Variants in ATP6V1H observed in about 807,000 individuals in gnomAD.
ATP6V1H encodes the protein ATPase H+ transporting V1 subunit H.
In ATP6V1H, 39 loss-of-function variants were observed where a neutral mutation model predicts 71.7. The ratio of observed to expected loss-of-function variants is 0.54; its 90% confidence interval spans 0.42 to 0.71. ATP6V1H has a LOEUF of 0.71. Ranked by LOEUF, ATP6V1H falls within the 30% of genes least tolerant of loss-of-function variation. The pLI is 0.00. For missense variants in ATP6V1H, 509 were observed against 594.9 expected, an observed-to-expected ratio of 0.86 and a Z score of 1.50; for synonymous variants, 192 against 199.3, an observed-to-expected ratio of 0.96 and a Z score of 0.31.
At chr8:53,716,342 C>G (rs958268) in intron 13 of ATP6V1H, among the ~76,000 whole-genome samples, 13,966 of 152,220 alleles carry the variant, frequency 0.092, 1,071 homozygotes, top group East Asian at 0.41. Context: ...GGAAAGACTA[C>G]TTTCCTGTTC....
At chr8:53,819,009 C>A (rs1332191177) in intron 4 of ATP6V1H, among the ~76,000 whole-genome samples, 1 of 151,702 alleles carries the variant, frequency 6.6e-6, no homozygotes, top group East Asian at 1.9e-4. Flanking sequence ...AGTTCAAGAC[C>A]AGCCTGGGCA....
chr8:53,825,229 G>A (rs988444890), intron 4 of ATP6V1H, among the ~76,000 whole-genome samples: 2 of 152,006 alleles, frequency 1.3e-5, no homozygotes, highest in African/African-American at 4.8e-5. Flanking sequence ...TAGAGACAGG[G>A]TCTCACTATG....
intron 13 of ATP6V1H, among the ~76,000 whole-genome samples, chr8:53,741,021 G>A (rs192631592): frequency 8.4e-4 from 128 of 152,192 alleles, no homozygotes; most frequent in Non-Finnish European, 1.1e-3. Flanking sequence ...GGAGATAATC[G>A]TAGTTAAAAC....
chr8:53,790,210 G>A lies in ATP6V1H; in HGVS notation c.870+5437C>T, dbSNP rs574413347. Among the ~76,000 whole-genome samples the A allele has an allele frequency of 4.6e-5, 7 of 152,232 alleles. No homozygotes were observed. In the South Asian group the frequency reaches 1.5e-3, roughly 32 times the overall value. ...TTTAAAATGTGAACATTCAGTAACT[G>A]GGCCAGTCTTTACCTCCAGGTTAAC... On this transcript the variant is annotated intron_variant, in intron 9 of 13. Transcript: ENST00000359530.
At chr8:53,747,639 A>T (rs1807653938) in intron 12 of ATP6V1H, among the ~76,000 whole-genome samples, 2 of 151,774 alleles carry the variant, frequency 1.3e-5, no homozygotes, top group East Asian at 3.9e-4. Flanking sequence ...TCCTGGGTTC[A>T]AGCAATTCTC....
At position 53,750,512 on chromosome 8, in the gene ATP6V1H, A is replaced by G. The variant is rs567797580; in HGVS notation, c.1277+6043T>C. Among the ~76,000 whole-genome samples the G allele has an allele frequency of 4.6e-5, 7 of 152,340 alleles. No homozygotes were observed. The South Asian group carries it at 8.3e-4, about 18-fold the overall frequency. On this transcript the variant is annotated intron_variant, in intron 12 of 13. Coordinates refer to ENST00000359530, the MANE Select transcript of ATP6V1H (RefSeq NM_015941.4). ...ATTATTCGAGGACCTGCTGTCACTT[A>G]AAGTCTCAGTTTCCAAGAACGTATG...
chr8:53,790,971 G>T (rs1165487640), intron 9 of ATP6V1H, among the ~76,000 whole-genome samples: 2 of 151,990 alleles, frequency 1.3e-5, no homozygotes, highest in African/African-American at 4.8e-5. Context: ...AACAGTAAAA[G>T]ATCAAACTAG....
At chr8:53,726,698 G>A (rs1806824540) in intron 13 of ATP6V1H, among the ~76,000 whole-genome samples, 3 of 152,194 alleles carry the variant, frequency 2.0e-5, no homozygotes, top group Admixed American at 6.5e-5. Flanking sequence ...GTAGAGATGT[G>A]TAAAGATTCA....
Position 53,772,903 on chromosome 8 carries a change from CAAAAA to C in ATP6V1H, c.871-741_871-737del, listed in dbSNP as rs201949406. 5.0e-3 allele frequency among the ~76,000 whole-genome samples: 299 copies of C among 59,412 alleles called. 3 individuals carry two copies. Among genetic ancestry groups the C allele is most frequent in the African/African-American group, 0.018 (287 of 15,968 alleles). 39.0% of individuals were successfully genotyped at this position (59,412 alleles called of 152,430 possible). ...GCTAGTTTAAAAAGCCTATCAAATG[CAAAAA>C]AAAAAAAAAAAAAACAAAACAGTAA... On this transcript the variant is annotated intron_variant, in intron 9 of 13. Coordinates refer to ENST00000359530, the MANE Select transcript of ATP6V1H (RefSeq NM_015941.4).
At position 53,764,108 on chromosome 8, in the gene ATP6V1H, T is replaced by A. The variant is rs1049943014; in HGVS notation, c.1175+5510A>T. Reference sequence around the variant, plus strand: ...TAAATTATGTCAAACATTTAAGAAGTAAACAATACCAATTCTCTACAGTCT... The same window carrying A: ...TAAATTATGTCAAACATTTAAGAAGAAAACAATACCAATTCTCTACAGTCT... On this transcript the variant is annotated intron_variant, in intron 11 of 13. Coordinates refer to ENST00000359530, the MANE Select transcript of ATP6V1H (RefSeq NM_015941.4). Among the ~76,000 whole-genome samples the A allele has an allele frequency of 5.3e-5, 8 of 152,202 alleles. No homozygotes were observed. In the East Asian group the frequency reaches 1.5e-3, roughly 29 times the overall value.
intron 13 of ATP6V1H, among the ~76,000 whole-genome samples, chr8:53,738,051 G>T (rs1385387352): frequency 6.6e-6 from 1 of 152,062 alleles, no homozygotes. Flanking sequence ...TATAAAGTTT[G>T]CTTTATCTTA....
chr8:53,839,457 C>G (rs993168926), intron 2 of ATP6V1H, among the ~76,000 whole-genome samples: 33 of 152,160 alleles, frequency 2.2e-4, no homozygotes, highest in African/African-American at 7.5e-4. Context: ...CCACAATAAC[C>G]CAGTTCCTTA....
At chr8:53,766,142 A>AC (rs1307467095) in intron 11 of ATP6V1H, among the ~76,000 whole-genome samples, 1 of 152,238 alleles carries the variant, frequency 6.6e-6, no homozygotes, top group African/African-American at 2.4e-5. Context: ...GAAGTCAGGG[A>AC]CCCCAAACGG....
intron 7 of ATP6V1H, among the ~76,000 whole-genome samples, chr8:53,808,128 A>C (rs1016555177): frequency 6.6e-6 from 1 of 152,234 alleles, no homozygotes; most frequent in Non-Finnish European, 1.5e-5. Flanking sequence ...ACACGGAAAC[A>C]TGTGGGCTCT....
rs142868543 is a variant in ATP6V1H, at chr8:53,828,449, G to T, written c.306+995C>A. Among the ~76,000 whole-genome samples, 342 of 152,258 alleles carry T rather than the reference G, an allele frequency of 2.2e-3. 2 individuals are homozygous for T. Among genetic ancestry groups the T allele is most frequent in the African/African-American group, 7.8e-3 (325 of 41,542 alleles). On this transcript the variant is annotated intron_variant, in intron 4 of 13. Coordinates refer to ENST00000359530, the MANE Select transcript of ATP6V1H (RefSeq NM_015941.4). ...AGTAATTAAGGATATGAGCAACCAC[G>T]GTCCGCATGCCGACTCACAGCTCCC...
At chr8:53,763,496 C>T (rs1258054546) in intron 11 of ATP6V1H, among the ~76,000 whole-genome samples, 2 of 152,118 alleles carry the variant, frequency 1.3e-5, no homozygotes, top group African/African-American at 2.4e-5. Flanking sequence ...CCAAATACTC[C>T]TCAAACTGAC....
At chr8:53,783,621 T>C (rs967585962) in intron 9 of ATP6V1H, among the ~76,000 whole-genome samples, 3 of 152,240 alleles carry the variant, frequency 2.0e-5, no homozygotes, top group Non-Finnish European at 4.4e-5. Flanking sequence ...CTAGTTCTTT[T>C]AATTGTGTTG....
Position 53,752,235 on chromosome 8 carries a change from A to G in ATP6V1H, c.1277+4320T>C, listed in dbSNP as rs544513245. ...TGGTAAAAAATCATATCAAAAAGCT[A>G]CAACTTTTGAATATGAAGAAATGCT... On this transcript the variant is annotated intron_variant, in intron 12 of 13. Coordinates refer to ENST00000359530, the MANE Select transcript of ATP6V1H (RefSeq NM_015941.4). Among the ~76,000 whole-genome samples, 3 of 152,356 alleles carry G rather than the reference A, an allele frequency of 2.0e-5. No individual in the cohort carries two copies. The South Asian group carries it at 6.2e-4, about 32-fold the overall frequency.
chr8:53,746,688 AAC>A (rs1347428095), intron 12 of ATP6V1H, among the ~76,000 whole-genome samples: 2 of 152,368 alleles, frequency 1.3e-5, no homozygotes, highest in East Asian at 3.8e-4. Context: ...TATTGAAATA[AAC>A]AGACATTTCT....
Sources: allele counts gnomAD v4.1 joint callset (sites outside exome capture counted in the v4.1 genomes callset), GRCh38; gene constraint gnomAD v4.1.1; transcripts MANE v1.5; gene names NCBI Gene and HGNC (gene_info 2026-07-23, HGNC 2026-07-21).